The following KLHDC1 variants were observed in gnomAD, a reference collection of about 807,000 sequenced individuals.
KLHDC1 encodes kelch domain-containing protein 1.
Under a neutral mutation model 68.3 loss-of-function variants are expected in KLHDC1, and 53 were observed. The observed-to-expected ratio is 0.78, with a 90% CI of 0.62 to 0.98. KLHDC1 has a LOEUF of 0.98. Among genes scored for constraint, KLHDC1 ranks in the 50% least tolerant of loss-of-function variants. The pLI is 0.00. For missense variants in KLHDC1, 470 were observed against 492.3 expected (o/e 0.95, Z 0.43); for synonymous variants, 148 against 159.0 (o/e 0.93, Z 0.52).
intron 5 of KLHDC1, among the ~76,000 whole-genome samples, chr14:49,724,552 T>C (rs926049244): frequency 6.8e-6 from 1 of 147,748 alleles, no homozygotes; most frequent in African/African-American, 2.6e-5. Context: ...TATATATGTG[T>C]ATATATATAT....
At chr14:49,724,540 CAT>C (rs1389615173) in intron 5 of KLHDC1, among the ~76,000 whole-genome samples, 11 of 151,426 alleles carry the variant, frequency 7.3e-5, no homozygotes, top group African/African-American at 2.4e-4. Flanking sequence ...AGTGTAAATA[CAT>C]ATATATGTGT....
chr14:49,751,776 G>T lies in KLHDC1; in HGVS notation c.*4G>T. The T allele has an allele frequency of 1.4e-6, 2 of 1,453,822 alleles. No homozygotes were observed. The highest frequency in any genetic ancestry group is 1.9e-6 in the Non-Finnish European group (2 of 1,059,370). The allele number at this position is 1,453,822 out of a possible 1,614,324, so 90.1% of individuals were successfully genotyped here. On this transcript the variant is annotated 3_prime_UTR_variant, in exon 13 of 13. Coordinates refer to ENST00000359332, the MANE Select transcript of KLHDC1 (RefSeq NM_172193.3). ...TCAGTGGATCAGTAGCAATTAAATT[G>T]TTATATACTTTACATATTTAGTATG... is the stretch of plus-strand genomic sequence containing the variant.
intron 1 of KLHDC1, among the ~76,000 whole-genome samples, chr14:49,695,945 A>G (rs1411040898): frequency 6.6e-6 from 1 of 151,962 alleles, no homozygotes; most frequent in East Asian, 1.9e-4. Context: ...AGGCGCCTAT[A>G]GTCTCAGCTA....
chr14:49,734,569 G>T lies in KLHDC1; in HGVS notation c.824-20G>T. ...TCCCAGAGACCTAATCTTAATTTCTGAACTGTCATGATATTGCAGGTGATG... is the reference window on the plus strand; with the variant it reads ...TCCCAGAGACCTAATCTTAATTTCTTAACTGTCATGATATTGCAGGTGATG... On this transcript the variant is annotated intron_variant, in intron 9 of 12. Coordinates refer to ENST00000359332, the MANE Select transcript of KLHDC1 (RefSeq NM_172193.3). The T allele has an allele frequency of 6.8e-7, 1 of 1,469,212 alleles. No individual in the cohort carries two copies. The highest frequency in any genetic ancestry group is 9.3e-7 in the Non-Finnish European group (1 of 1,075,876). 91.0% of individuals were successfully genotyped at this position (1,469,212 alleles called of 1,614,324 possible). A position where few individuals can be genotyped will look rare whatever the true frequency, so the allele number is the denominator to read the frequency against.
At chr14:49,744,873 A>C (rs888930836) in intron 12 of KLHDC1, among the ~76,000 whole-genome samples, 4 of 152,198 alleles carry the variant, frequency 2.6e-5, no homozygotes, top group Admixed American at 6.5e-5. Flanking sequence ...TTAATATAGA[A>C]GAATTTCTTT....
chr14:49,731,540 G>A (rs188992386), intron 8 of KLHDC1, among the ~76,000 whole-genome samples: 1 of 151,988 alleles, frequency 6.6e-6, no homozygotes, highest in Admixed American at 6.5e-5. Context: ...CGCGACCTCG[G>A]CTCACTACAA....
rs1231129663 is a variant in KLHDC1, at chr14:49,693,748, C to CTTTTT, written c.96+470_96+474dup. 2.6e-3 allele frequency among the ~76,000 whole-genome samples: 159 copies of CTTTTT among 61,552 alleles called. 43 individuals are homozygous for CTTTTT. Among genetic ancestry groups the CTTTTT allele is most frequent in the South Asian group, 8.4e-3 (8 of 956 alleles). The allele number at this position is 61,552 out of a possible 152,430, so 40.4% of individuals were successfully genotyped here. On this transcript the variant is annotated intron_variant, in intron 1 of 12. Transcript: ENST00000359332. ...TAAATATTTATTTTCTTTTCTTTTT[C>CTTTTT]TTTTTTTTTTTTTTTTGAGATGGAG... is the stretch of plus-strand genomic sequence containing the variant.
intron 4 of KLHDC1, among the ~76,000 whole-genome samples, chr14:49,718,765 C>CT (rs1888444431): frequency 3.4e-5 from 2 of 59,282 alleles, no homozygotes; most frequent in African/African-American, 1.1e-4. Context: ...TCTTTTCTTT[C>CT]TTTCTTTTTT....
intron 10 of KLHDC1, among the ~76,000 whole-genome samples, chr14:49,734,883 T>C (rs1888896796): frequency 6.6e-6 from 1 of 152,116 alleles, no homozygotes; most frequent in Non-Finnish European, 1.5e-5. Context: ...TATTTGAAAA[T>C]GTTATTCTTT....
chr14:49,726,709 A>G (rs1299480312), intron 6 of KLHDC1, among the ~76,000 whole-genome samples: 2 of 152,216 alleles, frequency 1.3e-5, no homozygotes, highest in African/African-American at 4.8e-5. Flanking sequence ...ATAGCTGGAA[A>G]TCATATTGGA....
rs1460795361 is a variant in KLHDC1 at position 49,700,533 on chromosome 14, A to G, written c.96+7243A>G. Reference sequence around the variant, plus strand: ...CATGTGTTCAAGGATGCAGTGAGCTATGATTGTGCCATCGCACTCCAGCCT... The same window carrying G: ...CATGTGTTCAAGGATGCAGTGAGCTGTGATTGTGCCATCGCACTCCAGCCT... On this transcript the variant is annotated intron_variant, in intron 1 of 12. Coordinates refer to ENST00000359332, the MANE Select transcript of KLHDC1 (RefSeq NM_172193.3). 3.3e-5 allele frequency among the ~76,000 whole-genome samples: 5 copies of G among 152,200 alleles called. No homozygotes were observed. The East Asian group carries it at 9.7e-4, about 29-fold the overall frequency.
Position 49,693,748 on chromosome 14 carries a change from C to CTTTT in KLHDC1, c.96+471_96+474dup, listed in dbSNP as rs1231129663. On this transcript the variant is annotated intron_variant, in intron 1 of 12. Coordinates refer to ENST00000359332, the MANE Select transcript of KLHDC1 (RefSeq NM_172193.3). ...TAAATATTTATTTTCTTTTCTTTTTCTTTTTTTTTTTTTTTTGAGATGGAG... is the reference window on the plus strand; with the variant it reads ...TAAATATTTATTTTCTTTTCTTTTTCTTTTTTTTTTTTTTTTTTTTGAGATGGAG... 1.9e-3 allele frequency among the ~76,000 whole-genome samples: 116 copies of CTTTT among 61,558 alleles called. 35 individuals are homozygous for CTTTT. Among genetic ancestry groups the CTTTT allele is most frequent in the South Asian group, 0.012 (11 of 956 alleles). 40.4% of individuals were successfully genotyped at this position (61,558 alleles called of 152,430 possible). A position where few individuals can be genotyped will look rare whatever the true frequency, so the allele number is the denominator to read the frequency against.
intron 1 of KLHDC1, among the ~76,000 whole-genome samples, chr14:49,699,559 G>A (rs1037813138): frequency 1.3e-5 from 2 of 152,142 alleles, no homozygotes; most frequent in African/African-American, 4.8e-5. Flanking sequence ...CAGTAGTTAA[G>A]TATAATGATC....
intron 12 of KLHDC1, among the ~76,000 whole-genome samples, chr14:49,748,473 C>T (rs1889249087): frequency 6.6e-6 from 1 of 151,874 alleles, no homozygotes. Context: ...GCAAAAAACC[C>T]AGGTTTGGGA....
intron 1 of KLHDC1, among the ~76,000 whole-genome samples, chr14:49,707,489 A>G (rs1010208854): frequency 2.6e-5 from 4 of 151,040 alleles, no homozygotes; most frequent in African/African-American, 7.3e-5. Context: ...CTGGGATTAC[A>G]GTCATGCACC....
Position 49,713,832 on chromosome 14 carries a change from ATATATATATATATATATAT to A in KLHDC1, c.404+3453_404+3471del, listed in dbSNP as rs1299900221. Among the ~76,000 whole-genome samples, 4 of 1,960 alleles carry A rather than the reference ATATATATATATATATATAT, an allele frequency of 2.0e-3. 1 individual carries two copies. The highest frequency in any genetic ancestry group is 3.5e-3 in the African/African-American group (4 of 1,140). The allele number at this position is 1,960 out of a possible 152,430, so 1.3% of individuals were successfully genotyped here. A position where few individuals can be genotyped will look rare whatever the true frequency, so the allele number is the denominator to read the frequency against. ...TATATATATATATATATATATATAT[ATATATATATATATATATAT>A]TTTTTTTTTTTTTTTTCCTGAGACA... On this transcript the variant is annotated intron_variant, in intron 4 of 12. Coordinates refer to ENST00000359332, the MANE Select transcript of KLHDC1 (RefSeq NM_172193.3).
intron 12 of KLHDC1, among the ~76,000 whole-genome samples, chr14:49,749,495 G>A (rs866859287): frequency 4.0e-5 from 6 of 151,894 alleles, no homozygotes; most frequent in Middle Eastern, 3.4e-3. Flanking sequence ...GGCCAAGGTG[G>A]TGAAACCATG....
chr14:49,750,507 T>C (rs1177030875), intron 12 of KLHDC1, among the ~76,000 whole-genome samples: 2 of 152,192 alleles, frequency 1.3e-5, no homozygotes, highest in Non-Finnish European at 2.9e-5. Flanking sequence ...ACTTCTTGTT[T>C]AGAGTTGTTC....
intron 11 of KLHDC1, among the ~76,000 whole-genome samples, chr14:49,742,024 T>G (rs142631644): frequency 6.6e-6 from 1 of 152,334 alleles, no homozygotes; most frequent in East Asian, 1.9e-4. Context: ...TGCTTTATTT[T>G]GTAGTTATGA....
Sources: allele counts gnomAD v4.1 joint callset (sites outside exome capture counted in the v4.1 genomes callset), GRCh38; gene constraint gnomAD v4.1.1; transcripts MANE v1.5; gene names NCBI Gene and HGNC (gene_info 2026-07-23, HGNC 2026-07-21).